ZNF394: variants seen among roughly 807,000 people sequenced by gnomAD.
ZNF394 encodes the protein zinc finger protein 99.
ZNF394 carries 19 observed loss-of-function variants against 21.8 expected under a neutral mutation model. The observed-to-expected ratio is 0.87, with a 90% CI of 0.61 to 1.28. ZNF394 has a LOEUF of 1.28. Among genes scored for constraint, ZNF394 ranks in the 50% most tolerant of loss-of-function variants. ZNF394 has a pLI of 0.00. For missense variants in ZNF394, 683 were observed against 708.6 expected (o/e 0.96, Z 0.41); for synonymous variants, 294 against 273.3 (o/e 1.08, Z -0.75).
chr7:99,498,604 C>A (rs1371951158), intron 2 of ZNF394, 112 bp downstream of exon 2: 1 of 1,507,138 alleles, frequency 6.6e-7, no homozygotes, highest in Admixed American at 2.0e-5. Flanking sequence ...ACAGAAGGCA[C>A]CTGAAGGCTC....
intron 1 of ZNF394, chr7:99,487,444 T>A (rs1156662187): frequency 6.2e-7 from 1 of 1,614,202 alleles, no homozygotes; most frequent in Admixed American, 1.7e-5. Context: ...GCACACAAGC[T>A]TTATTAAGCA....
chr7:99,492,551 AAT>A, downstream of ZNF394, among the ~76,000 whole-genome samples: 1 of 150,820 alleles, frequency 6.6e-6, no homozygotes, highest in Non-Finnish European at 1.5e-5. Context: ...GAGGCAGGAG[AAT>A]TGCTTGAATC....
chr7:99,487,411 A>G, intron 1 of ZNF394: 2 of 1,614,200 alleles, frequency 1.2e-6, no homozygotes, highest in Non-Finnish European at 1.7e-6. Flanking sequence ...CCAATGTGTC[A>G]TATGTGGAAA....
intron 1 of ZNF394, chr7:99,487,522 A>G: frequency 1.3e-6 from 2 of 1,579,570 alleles, no homozygotes; most frequent in South Asian, 1.2e-5. Flanking sequence ...GAGAACTAGA[A>G]CTTATAAACC....
Position 99,493,640 on chromosome 7 carries a change from G to C in ZNF394, c.1575C>G (p.Tyr525Ter). The C allele has an allele frequency of 6.2e-7, 1 of 1,614,212 alleles. No individual in the cohort carries two copies. Among genetic ancestry groups the C allele is most frequent in the Non-Finnish European group, 8.5e-7 (1 of 1,180,036 alleles). The change falls in exon 3 of 3, where the codon TAC becomes TAG. Residue 525 changes from tyrosine (Y) to a stop codon, truncating the protein, a stop_gained. Coordinates refer to ENST00000337673, the MANE Select transcript of ZNF394 (RefSeq NM_032164.4). LOFTEE classifies it low-confidence loss of function (END_TRUNC). ...HQRIHTGEKP[Y>*]KCLECGERFR... ...ATCTTTCCCCACATTCAAGACATTTGTAAGGCTTTTCCCCAGTGTGAATTC... is the reference window on the plus strand; with the variant it reads ...ATCTTTCCCCACATTCAAGACATTTCTAAGGCTTTTCCCCAGTGTGAATTC...
chr7:99,488,548 C>T (rs1289617612), downstream of ZNF394, among the ~76,000 whole-genome samples: 1 of 151,176 alleles, frequency 6.6e-6, no homozygotes, highest in African/African-American at 2.4e-5. Flanking sequence ...TTACATACAA[C>T]TATTACATGC....
rs753928680 is a variant in ZNF394, at chr7:99,498,728, T to G, written c.571A>C (p.Thr191Pro). The G allele has an allele frequency of 6.2e-7, 1 of 1,614,082 alleles. No homozygotes were observed. The highest frequency in any genetic ancestry group is 8.5e-7 in the Non-Finnish European group (1 of 1,179,980). ...CAACAGCACTCACTCGGCGGAACTG[T>G]GCTCCCGGAATCCTTCTGCGCACTC... ...RESAQKDSGSTVPPSLESRVE... is the reference protein window; with the variant it reads ...RESAQKDSGSPVPPSLESRVE... The change falls in exon 2 of 3, where the codon ACA (threonine) becomes CCA (proline). Residue 191 changes from threonine (T) to proline (P), a missense_variant. By Grantham distance (38) the Thr-to-Pro change is conservative. Around this residue, in one of 3 missense-constraint regions of ZNF394, gnomAD observed 402 missense variants for 373.8 expected, o/e 1.08. Coordinates refer to ENST00000337673, the MANE Select transcript of ZNF394 (RefSeq NM_032164.4).
chr7:99,488,416 C>T (rs1352786873), downstream of ZNF394, among the ~76,000 whole-genome samples: 2 of 150,726 alleles, frequency 1.3e-5, no homozygotes, highest in Admixed American at 6.6e-5. Flanking sequence ...GCAGGAGAAT[C>T]GCTTGGACCT....
At chr7:99,490,623 CCTT>C (rs1800141594), downstream of ZNF394, among the ~76,000 whole-genome samples, 1 of 145,758 alleles carries the variant, frequency 6.9e-6, no homozygotes, top group Admixed American at 6.9e-5. Context: ...CAAAGTGAGA[CCTT>C]TTTTTTTTTT....
intron 1 of ZNF394, among the ~76,000 whole-genome samples, chr7:99,488,191 T>TGTGCC: frequency 6.6e-6 from 1 of 151,978 alleles, no homozygotes; most frequent in South Asian, 2.1e-4. Flanking sequence ...CCATAGAAGC[T>TGTGCC]GTGCCGTGTG....
chr7:99,488,484 AGAGT>A (rs1584579764), downstream of ZNF394, among the ~76,000 whole-genome samples: 1 of 151,690 alleles, frequency 6.6e-6, no homozygotes, highest in Non-Finnish European at 1.5e-5. Flanking sequence ...CCTCAGCAAC[AGAGT>A]GAGACTCCAT....
At chr7:99,488,042 A>G (rs1010007670) in intron 1 of ZNF394, among the ~76,000 whole-genome samples, 6 of 142,664 alleles carry the variant, frequency 4.2e-5, no homozygotes, top group Admixed American at 3.6e-4. Flanking sequence ...ACTGCACTCC[A>G]GCCTGGGCGA....
chr7:99,497,041 C>A (rs1800336635), intron 2 of ZNF394, among the ~76,000 whole-genome samples: 1 of 140,978 alleles, frequency 7.1e-6, no homozygotes, highest in Non-Finnish European at 1.5e-5. Flanking sequence ...GTGTATAGTA[C>A]CAAAGCCTAT....
intron 2 of ZNF394, among the ~76,000 whole-genome samples, chr7:99,497,196 T>C (rs1437006343): frequency 6.7e-6 from 1 of 148,554 alleles, no homozygotes; most frequent in Non-Finnish European, 1.5e-5. Flanking sequence ...AGTCTTGCTC[T>C]GTCACCCAGG....
chr7:99,498,859 GC>G lies in ZNF394; in HGVS notation c.457-18del. The G allele has an allele frequency of 6.2e-7, 1 of 1,607,420 alleles. No homozygotes were observed. On this transcript the variant is annotated intron_variant, in intron 1 of 2. Coordinates refer to ENST00000337673, the MANE Select transcript of ZNF394 (RefSeq NM_032164.4). ...CACCATCCCCTGGAACAACACAAGA[GC>G]CCCATTCAGTACCTGCTGTCCCTGT...
chr7:99,493,165 A>G (rs1800197684), downstream of ZNF394: 13 of 1,022,098 alleles, frequency 1.3e-5, no homozygotes, highest in Non-Finnish European at 1.5e-5. Context: ...AGGAAGATCC[A>G]TAATTGACTG....
downstream of ZNF394, among the ~76,000 whole-genome samples, chr7:99,491,978 C>T (rs964110971): frequency 1.3e-5 from 2 of 148,380 alleles, no homozygotes; most frequent in Admixed American, 1.4e-4. Context: ...GAGGCTGAGG[C>T]AGAAGAATGG....
At position 99,494,286 on chromosome 7, in the gene ZNF394, C is replaced by CTGT. The variant is rs1437989098; in HGVS notation, c.926_928dup (p.Asp309_Ser310insAsn). Reference sequence around the variant, plus strand: ...CTTGCACTTGTTCCCGTGTTCCTCACTGTCAGTGGGCCTCTCTGCTTTCGG... The same window carrying CTGT: ...CTTGCACTTGTTCCCGTGTTCCTCACTGTTGTCAGTGGGCCTCTCTGCTTTCGG... On this transcript the variant is annotated inframe_insertion, in exon 3 of 3. Coordinates refer to ENST00000337673, the MANE Select transcript of ZNF394 (RefSeq NM_032164.4). 2.5e-6 allele frequency: 4 copies of CTGT among 1,614,254 alleles called. No homozygotes were observed. Among genetic ancestry groups the CTGT allele is most frequent in the Admixed American group, 3.3e-5 (2 of 60,014 alleles).
chr7:99,492,102 G>T (rs1800177023), downstream of ZNF394, among the ~76,000 whole-genome samples: 1 of 149,800 alleles, frequency 6.7e-6, no homozygotes, highest in African/African-American at 2.4e-5. Flanking sequence ...AAAGAAATCA[G>T]CAAGTCATAA....
Sources: allele counts gnomAD v4.1 joint callset (sites outside exome capture counted in the v4.1 genomes callset), GRCh38; gene constraint gnomAD v4.1.1; regional missense constraint gnomAD v4.1.1; transcripts MANE v1.5; gene names NCBI Gene and HGNC (gene_info 2026-07-23, HGNC 2026-07-21).